RGS7: variants seen among roughly 807,000 people sequenced by gnomAD.
The protein encoded by RGS7 is regulator of G protein signaling 7.
In RGS7, 27 loss-of-function variants were observed where a neutral mutation model predicts 81.1. The observed-to-expected ratio is 0.33, with a 90% confidence interval of 0.25 to 0.46. The LOEUF (loss-of-function observed/expected upper bound fraction) is 0.46, where lower values mean the gene tolerates loss of function less well. Among genes scored for constraint, RGS7 ranks in the 20% least tolerant of loss-of-function variants. The pLI, the probability that RGS7 is intolerant of heterozygous loss-of-function variation, is 1.00. For synonymous variants in RGS7, 208 were observed against 207.7 expected (o/e 1.00, Z -0.01); for missense variants, 396 against 607.4 (o/e 0.65, Z 3.66).
intron 2 of RGS7, among the ~76,000 whole-genome samples, chr1:241,333,166 G>A (rs80125195): frequency 0.025 from 3,835 of 152,300 alleles, 96 homozygotes; most frequent in African/African-American, 0.063. Flanking sequence ...GCTCCTTAAA[G>A]GCATCGACTG....
At chr1:240,843,696 GT>G (rs1318559035) in intron 9 of RGS7, among the ~76,000 whole-genome samples, 1 of 152,166 alleles carries the variant, frequency 6.6e-6, no homozygotes, top group Admixed American at 6.5e-5. Context: ...GAAATCTAGA[GT>G]TTTTTGTATT....
Position 241,031,453 on chromosome 1 carries a change from G to A in RGS7, c.176-48324C>T, listed in dbSNP as rs112036490. Reference sequence around the variant, plus strand: ...TGATAAACATACAAGTGCAGGTATCGTTTTTATATAGTGATTTCTTTTCCT... The same window carrying A: ...TGATAAACATACAAGTGCAGGTATCATTTTTATATAGTGATTTCTTTTCCT... On this transcript the variant is annotated intron_variant, in intron 3 of 18. Transcript: ENST00000440928. Among the ~76,000 whole-genome samples, 1,213 of 152,144 alleles carry A rather than the reference G, an allele frequency of 8.0e-3. 16 individuals are homozygous for A. The highest frequency in any genetic ancestry group is 0.027 in the African/African-American group (1,141 of 41,514).
In RGS7 at chr1:240,915,912, T is replaced by A. The variant is rs369883585; in HGVS notation, c.385+14805A>T. On this transcript the variant is annotated intron_variant, in intron 6 of 18. Coordinates refer to ENST00000440928, the MANE Select transcript of RGS7 (RefSeq NM_001364886.1). ...GATTGAGGAAAGAATCAGTAGAGTT[T>A]GGACATGTGTCAAAAGAAACCTCCA... is the stretch of plus-strand genomic sequence containing the variant. Among the ~76,000 whole-genome samples, 23 of 152,132 alleles carry A rather than the reference T, an allele frequency of 1.5e-4. 1 individual carries two copies. The highest frequency in any genetic ancestry group is 8.3e-4 in the South Asian group (4 of 4,822).
chr1:241,334,186 G>T (rs1445093959), intron 2 of RGS7, among the ~76,000 whole-genome samples: 1 of 152,032 alleles, frequency 6.6e-6, no homozygotes. Context: ...AAGAGTAAAA[G>T]CTTTTTCACA....
chr1:241,005,181 T>A (rs1394228867), intron 3 of RGS7, among the ~76,000 whole-genome samples: 1 of 152,162 alleles, frequency 6.6e-6, no homozygotes, highest in Non-Finnish European at 1.5e-5. Flanking sequence ...GTTCAATTTC[T>A]CAATCACTTC....
chr1:241,151,443 A>C (rs2103131807), intron 2 of RGS7, among the ~76,000 whole-genome samples: 1 of 152,216 alleles, frequency 6.6e-6, no homozygotes, highest in Non-Finnish European at 1.5e-5. Flanking sequence ...TGCCACCTGC[A>C]TGCAGCGGGT....
chr1:240,812,308 T>C (rs1239336476), intron 13 of RGS7, among the ~76,000 whole-genome samples: 12 of 152,164 alleles, frequency 7.9e-5, no homozygotes, highest in Non-Finnish European at 8.8e-5. Flanking sequence ...CTTTATGAGA[T>C]AGCCACTATT....
intron 2 of RGS7, among the ~76,000 whole-genome samples, chr1:241,244,613 C>A (rs36170558): frequency 0.1 from 15,711 of 152,082 alleles, 1,055 homozygotes; most frequent in East Asian, 0.3. Context: ...TGGGTATATA[C>A]GCAAAGGATT....
Position 241,286,658 on chromosome 1 carries a change from AGGGTTTTTCTCTCAGGTCTTTT to A in RGS7, c.78+69019_78+69040del, listed in dbSNP as rs527835336. 2.6e-3 allele frequency among the ~76,000 whole-genome samples: 389 copies of A among 152,280 alleles called. 4 individuals carry two copies. Among genetic ancestry groups the A allele is most frequent in the African/African-American group, 9.0e-3 (373 of 41,560 alleles). On this transcript the variant is annotated intron_variant, in intron 2 of 18. Coordinates refer to ENST00000440928, the MANE Select transcript of RGS7 (RefSeq NM_001364886.1). ...TTCTCCTTTCCATTTGGCCCAAACT[AGGGTTTTTCTCTCAGGTCTTTT>A]GGGCTTTCTGAACAAGTGCCAGCAC...
intron 2 of RGS7, among the ~76,000 whole-genome samples, chr1:241,299,676 CTATT>C (rs2079617117): frequency 6.6e-6 from 1 of 151,862 alleles, no homozygotes; most frequent in Non-Finnish European, 1.5e-5. Context: ...TTTTTGAAAT[CTATT>C]TATGCTTCTA....
chr1:241,024,635 C>T lies in RGS7; in HGVS notation c.176-41506G>A, dbSNP rs138572744. 4.5e-3 allele frequency among the ~76,000 whole-genome samples: 678 copies of T among 151,920 alleles called. 2 individuals are homozygous for T. Among genetic ancestry groups the T allele is most frequent in the Middle Eastern group, 0.014 (4 of 292 alleles). ...TGTCATTAAATAGACTTAAGGACGC[C>T]GAATGGAAGAATAAATTATGGAGCA... On this transcript the variant is annotated intron_variant, in intron 3 of 18. Coordinates refer to ENST00000440928, the MANE Select transcript of RGS7 (RefSeq NM_001364886.1).
chr1:241,168,736 C>A (rs2070475904), intron 2 of RGS7, among the ~76,000 whole-genome samples: 1 of 151,888 alleles, frequency 6.6e-6, no homozygotes, highest in African/African-American at 2.4e-5. Flanking sequence ...CTCTCTCTCT[C>A]CCCCCACCTC....
chr1:241,022,698 T>C (rs1422952198), intron 3 of RGS7, among the ~76,000 whole-genome samples: 1 of 152,096 alleles, frequency 6.6e-6, no homozygotes. Context: ...ATCCCTGAGT[T>C]TTCAGGAAAA....
intron 9 of RGS7, among the ~76,000 whole-genome samples, chr1:240,846,494 C>T (rs1444107737): frequency 1.3e-5 from 2 of 152,164 alleles, no homozygotes; most frequent in Non-Finnish European, 2.9e-5. Context: ...GTTCCAGCAG[C>T]ATCTGCATAG....
rs201307171 is a variant in RGS7, at chr1:241,271,983, CT to C, written c.78+83715del. ...TGGAGAACCCTGACTACTAGAATTT[CT>C]TTTTTTTTTTTTTTATTTTTATTTT... On this transcript the variant is annotated intron_variant, in intron 2 of 18. Transcript: ENST00000440928. This position sits in a 1 kb window ranked among gnomAD's most constrained non-coding sequence, Gnocchi z 4.6. Among the ~76,000 whole-genome samples, 56,144 of 123,988 alleles carry C rather than the reference CT, an allele frequency of 0.45. 11,872 individuals are homozygous for C. Among genetic ancestry groups the C allele is most frequent in the Admixed American group, 0.57 (6,948 of 12,086 alleles). The allele number at this position is 123,988 out of a possible 152,430, so 81.3% of individuals were successfully genotyped here. A position where few individuals can be genotyped will look rare whatever the true frequency, so the allele number is the denominator to read the frequency against.
chr1:240,869,065 G>C (rs962644070), intron 7 of RGS7, among the ~76,000 whole-genome samples: 3 of 151,878 alleles, frequency 2.0e-5, no homozygotes, highest in Admixed American at 6.6e-5. Context: ...TACAAATATC[G>C]ATTTTTTGAA....
At chr1:240,992,374 T>G (rs1383078315) in intron 3 of RGS7, among the ~76,000 whole-genome samples, 1 of 151,974 alleles carries the variant, frequency 6.6e-6, no homozygotes, top group Non-Finnish European at 1.5e-5. Flanking sequence ...CGTGGTGGCG[T>G]GCGCCTGTAG....
intron 9 of RGS7, among the ~76,000 whole-genome samples, chr1:240,828,072 G>A (rs1189208274): frequency 3.3e-5 from 5 of 152,090 alleles, no homozygotes; most frequent in Non-Finnish European, 7.4e-5. Context: ...GTGAAAGATG[G>A]AGAAAGAAAC....
intron 2 of RGS7, among the ~76,000 whole-genome samples, chr1:241,268,530 T>C (rs771304526): frequency 1.3e-5 from 2 of 152,182 alleles, no homozygotes; most frequent in Non-Finnish European, 2.9e-5. Flanking sequence ...AGGTCTGAGT[T>C]CTTCCAACTG....
Sources: gnomAD v4.1 joint callset for allele counts (sites outside exome capture counted in the v4.1 genomes callset) on GRCh38, gnomAD v4.1.1 for gene constraint, Gnocchi (gnomAD v3.1) non-coding constraint, MANE v1.5 for transcripts, NCBI Gene and HGNC (gene_info 2026-07-23, HGNC 2026-07-21) for gene names.